ANKRD18A: variants seen among roughly 807,000 people sequenced by gnomAD.
ANKRD18A encodes the protein ankyrin repeat domain-containing protein 18A.
Under a neutral mutation model 110.6 loss-of-function variants are expected in ANKRD18A, and 72 were observed. The ratio of observed to expected loss-of-function variants is 0.65; its 90% confidence interval spans 0.54 to 0.79. The LOEUF (loss-of-function observed/expected upper bound fraction) is 0.79. Ranked by LOEUF, ANKRD18A falls within the 30% of genes least tolerant of loss-of-function variation. The pLI is 0.00. For synonymous variants in ANKRD18A, 305 were observed against 410.3 expected (o/e 0.74, Z 3.10); for missense variants, 934 against 1,163.3 (o/e 0.80, Z 2.87).
At chr9:38,587,613 A>C (rs1824442325) in intron 11 of ANKRD18A, among the ~76,000 whole-genome samples, 1 of 152,318 alleles carries the variant, frequency 6.6e-6, no homozygotes, top group Admixed American at 6.5e-5. Context: ...TATCAAGATA[A>C]ATTTTGATGT....
Position 38,577,878 on chromosome 9 carries a change from T to C in ANKRD18A, c.2518A>G (p.Ile840Val). The part of the protein sequence containing the change: ...AVQEIEKLEE[I>V]HLQKQAEYEK... ...TTTTAAAAACTAACCTGTAAATGGA[T>C]TTCTTCTAATTTTTCTATTTCCTGC... Residue 840 changes from isoleucine (I) to valine (V), a missense_variant, in exon 13 of 16, where the codon ATC (isoleucine) becomes GTC (valine). Ile to Val is a conservative substitution (Grantham distance 29). Coordinates refer to ENST00000399703, the MANE Select transcript of ANKRD18A (RefSeq NM_147195.4). 6.3e-7 allele frequency: 1 copy of C among 1,585,860 alleles called. No homozygotes were observed. The highest frequency in any genetic ancestry group is 8.5e-7 in the Non-Finnish European group (1 of 1,170,288).
At chr9:38,616,934 A>T (rs1335759418) in intron 1 of ANKRD18A, among the ~76,000 whole-genome samples, 1 of 152,210 alleles carries the variant, frequency 6.6e-6, no homozygotes, top group Non-Finnish European at 1.5e-5. Context: ...GGTAGCATTT[A>T]AAAATCATCT....
At position 38,620,109 on chromosome 9, in the gene ANKRD18A, C is replaced by G. The variant is rs1272653543; in HGVS notation, c.177G>C (p.Arg59=). Residue 59 remains arginine (R), a synonymous_variant, in exon 1 of 16, where the codon CGG becomes CGC. Coordinates refer to ENST00000399703, the MANE Select transcript of ANKRD18A (RefSeq NM_147195.4). ...CTTTTCTGTCGCGGGCGTCCAAGTC[C>G]CGGAACCTGCGCGTCAGGCAGCGCT... ...EVERCLTRRF[R]DLDARDRKDR... 5 of 1,559,382 alleles carry G rather than the reference C, an allele frequency of 3.2e-6. No individual in the cohort carries two copies. The African/African-American group carries it at 4.1e-5, about 13-fold the overall frequency.
rs1188822487 is a variant in ANKRD18A at position 38,588,650 on chromosome 9, T to G, written c.2018A>C (p.His673Pro). 15 of 1,387,510 alleles carry G rather than the reference T, an allele frequency of 1.1e-5. No individual in the cohort carries two copies. Among genetic ancestry groups the G allele is most frequent in the Non-Finnish European group, 1.3e-5 (14 of 1,061,400 alleles). The allele number at this position is 1,387,510 out of a possible 1,614,324, so 85.9% of individuals were successfully genotyped here. A position where few individuals can be genotyped will look rare whatever the true frequency, so the allele number is the denominator to read the frequency against. ...FQVEIQPEEK[H>P]EEFRKLFELI... ...TTCAAAAAGTTTTCTGAATTCTTCATGTTTTTCTTCAGGCTTGAAAAAAAG... is the reference window on the plus strand; with the variant it reads ...TTCAAAAAGTTTTCTGAATTCTTCAGGTTTTTCTTCAGGCTTGAAAAAAAG... The change falls in exon 11 of 16, where the codon CAT becomes CCT. Residue 673 changes from histidine to proline, a missense_variant. His to Pro is a moderately conservative substitution (Grantham distance 77, BLOSUM62 -2). Transcript: ENST00000399703.
downstream of ANKRD18A, among the ~76,000 whole-genome samples, chr9:38,570,739 C>T (rs1823608450): frequency 6.6e-6 from 1 of 152,226 alleles, no homozygotes; most frequent in African/African-American, 2.4e-5. Context: ...AGGGGTCAGG[C>T]CTGGGGGGTT....
chr9:38,572,215 C>T, intron 15 of ANKRD18A, 156 bp from the exon 16 acceptor site: 2 of 533,882 alleles, frequency 3.7e-6, no homozygotes, highest in South Asian at 2.8e-5. Context: ...AAATCATTTA[C>T]ACATGGCGTT....
intron 8 of ANKRD18A, among the ~76,000 whole-genome samples, chr9:38,599,911 G>A (rs1442766640): frequency 6.6e-6 from 1 of 152,146 alleles, no homozygotes; most frequent in Admixed American, 6.6e-5. Flanking sequence ...TGTCTTTTCT[G>A]ACAGGGTGCA....
At chr9:38,582,521 T>C (rs1202906172) in intron 12 of ANKRD18A, among the ~76,000 whole-genome samples, 1 of 152,172 alleles carries the variant, frequency 6.6e-6, no homozygotes, top group Non-Finnish European at 1.5e-5. Flanking sequence ...TAAGAATTGA[T>C]AACCTAAAAA....
chr9:38,590,117 T>C (rs1370418913), intron 10 of ANKRD18A, among the ~76,000 whole-genome samples: 2 of 152,178 alleles, frequency 1.3e-5, no homozygotes, highest in Non-Finnish European at 2.9e-5. Context: ...CCTTAGGATA[T>C]TCACCAGTAT....
chr9:38,577,104 G>T lies in ANKRD18A; in HGVS notation c.2690C>A (p.Ala897Asp), dbSNP rs2996335. The change falls in exon 14 of 16, where the codon GCC becomes GAC. Residue 897 changes from alanine to aspartate, a missense_variant. Ala to Asp is a moderately radical substitution (Grantham distance 126). Transcript: ENST00000399703. ...GTTAGCTTTCACTGCTCCTGCAAAG[G>T]CTTCCTTAAATTCTTCTAATTCAGT... ...VTTELEEFKEAFAGAVKANNS... is the reference protein window; with the variant it reads ...VTTELEEFKEDFAGAVKANNS... 3.2e-6 allele frequency: 5 copies of T among 1,548,776 alleles called. No individual in the cohort carries two copies. The highest frequency in any genetic ancestry group is 4.9e-5 in the East Asian group (2 of 40,766).
rs1189687052 is a variant in ANKRD18A, at chr9:38,595,358, A to G, written c.1854+128T>C. ...TGTATTTCCTGGATGATTCATGTAA[A>G]TGGAATTATACAGAATGGTAAACAC... On this transcript the variant is annotated intron_variant, in intron 9 of 15. Transcript: ENST00000399703. 4 of 940,158 alleles carry G rather than the reference A, an allele frequency of 4.3e-6. No homozygotes were observed. The African/African-American group carries it at 6.9e-5, about 16-fold the overall frequency. 58.2% of individuals were successfully genotyped at this position (940,158 alleles called of 1,614,324 possible).
At chr9:38,603,581 A>G (rs1825223350) in intron 6 of ANKRD18A, among the ~76,000 whole-genome samples, 1 of 152,048 alleles carries the variant, frequency 6.6e-6, no homozygotes, top group Non-Finnish European at 1.5e-5. Flanking sequence ...TCACACTACA[A>G]TGGCAGGGTT....
Position 38,571,707 on chromosome 9 carries a change from T to C in ANKRD18A, c.*338A>G. The C allele has an allele frequency of 7.7e-6, 8 of 1,044,038 alleles. No homozygotes were observed. Among genetic ancestry groups the C allele is most frequent in the Non-Finnish European group, 9.2e-6 (8 of 868,824 alleles). 64.7% of individuals were successfully genotyped at this position (1,044,038 alleles called of 1,614,324 possible). Reference sequence around the variant, plus strand: ...CAATGATGACTTGGTTGTTTGGCTGTTTAAACAGCTGACATTCAGGCAATT... The same window carrying C: ...CAATGATGACTTGGTTGTTTGGCTGCTTAAACAGCTGACATTCAGGCAATT... On this transcript the variant is annotated 3_prime_UTR_variant, in exon 16 of 16. Transcript: ENST00000399703.
At chr9:38,600,803 A>G (rs1230696226) in intron 8 of ANKRD18A, among the ~76,000 whole-genome samples, 3 of 152,316 alleles carry the variant, frequency 2.0e-5, no homozygotes, top group East Asian at 3.9e-4. Context: ...TCAATTGCTC[A>G]TCATTTCTCT....
chr9:38,566,223 T>C, the ANKRD18A span: 3 of 152,180 alleles, frequency 2.0e-5, no homozygotes, highest in Admixed American at 1.3e-4. Flanking sequence ...CCAGCATGAG[T>C]CTTAACTCAT....
chr9:38,598,880 T>G (rs2118802495), intron 8 of ANKRD18A, among the ~76,000 whole-genome samples: 1 of 152,368 alleles, frequency 6.6e-6, no homozygotes. Context: ...TATCACATGC[T>G]TCCATTCTTT....
intron 7 of ANKRD18A, 50 bp from the exon 8 acceptor site, chr9:38,601,254 C>A: frequency 6.7e-7 from 1 of 1,485,152 alleles, no homozygotes. Context: ...AGACTATAAT[C>A]TTTATAAAAA....
chr9:38,580,511 C>G (rs1824113379), intron 12 of ANKRD18A, among the ~76,000 whole-genome samples: 1 of 152,142 alleles, frequency 6.6e-6, no homozygotes, highest in Non-Finnish European at 1.5e-5. Context: ...GGAATGAGTT[C>G]TGATGTTCTG....
At chr9:38,585,051 G>T (rs1329148783) in intron 12 of ANKRD18A, among the ~76,000 whole-genome samples, 2 of 152,146 alleles carry the variant, frequency 1.3e-5, no homozygotes, top group South Asian at 2.1e-4. Context: ...GCAGTACAAA[G>T]CTGCCTTCTG....
Sources: gnomAD v4.1 joint callset for allele counts (sites outside exome capture counted in the v4.1 genomes callset) on GRCh38, gnomAD v4.1.1 for gene constraint, MANE v1.5 for transcripts, NCBI Gene and HGNC (gene_info 2026-07-23, HGNC 2026-07-21) for gene names.